Variants in DLG2 observed in about 807,000 individuals in gnomAD.
The protein encoded by DLG2 is disks large homolog 2.
In DLG2, 45 loss-of-function variants were observed where a neutral mutation model predicts 132.5. That is an observed-to-expected ratio of 0.34 (90% confidence interval 0.27 to 0.44). The LOEUF (loss-of-function observed/expected upper bound fraction) is 0.44, where lower values mean the gene tolerates loss of function less well. Ranked by LOEUF, DLG2 falls within the 20% of genes least tolerant of loss-of-function variation. The pLI is 1.00. For synonymous variants in DLG2, 424 were observed against 419.6 expected (o/e 1.01, Z -0.13); for missense variants, 1,045 against 1,196.9 (o/e 0.87, Z 1.87).
intron 6 of DLG2, among the ~76,000 whole-genome samples, chr11:84,680,628 T>G (rs2099726633): frequency 6.6e-6 from 1 of 152,208 alleles, no homozygotes; most frequent in Non-Finnish European, 1.5e-5. Flanking sequence ...GAAATAAACT[T>G]TTGCTTTGCA....
chr11:84,409,156 A>G (rs754387892), intron 7 of DLG2, among the ~76,000 whole-genome samples: 5 of 152,084 alleles, frequency 3.3e-5, no homozygotes, highest in African/African-American at 4.8e-5. Flanking sequence ...CTTTTATATC[A>G]CCATGATTCT....
chr11:83,648,436 A>G (rs1485922077), intron 18 of DLG2, among the ~76,000 whole-genome samples: 1 of 152,152 alleles, frequency 6.6e-6, no homozygotes, highest in Non-Finnish European at 1.5e-5. Flanking sequence ...CAATCAATAG[A>G]AAGTGCAGGA....
At chr11:83,752,050 C>A (rs1284924167) in intron 18 of DLG2, among the ~76,000 whole-genome samples, 1 of 152,106 alleles carries the variant, frequency 6.6e-6, no homozygotes, top group Non-Finnish European at 1.5e-5. Flanking sequence ...AGGTGGATCA[C>A]GAGGTCAGGA....
intron 6 of DLG2, among the ~76,000 whole-genome samples, chr11:84,800,935 G>T (rs2075293101): frequency 6.6e-6 from 1 of 152,050 alleles, no homozygotes; most frequent in African/African-American, 2.4e-5. Flanking sequence ...GAATATTTTT[G>T]CCACCACATG....
intron 2 of DLG2, among the ~76,000 whole-genome samples, chr11:85,607,010 C>T (rs570659000): frequency 6.6e-6 from 1 of 152,282 alleles, no homozygotes; most frequent in South Asian, 2.1e-4. Context: ...AGACAAAGAA[C>T]CCACCAATTC....
chr11:85,223,393 G>A (rs920865743), intron 4 of DLG2, among the ~76,000 whole-genome samples: 3 of 152,218 alleles, frequency 2.0e-5, no homozygotes, highest in Non-Finnish European at 2.9e-5. Context: ...TCAGCACTCT[G>A]GGAGACTGAG....
intron 6 of DLG2, among the ~76,000 whole-genome samples, chr11:84,574,719 A>G (rs1199526170): frequency 6.6e-6 from 1 of 152,190 alleles, no homozygotes; most frequent in African/African-American, 2.4e-5. Flanking sequence ...ACCATTGATC[A>G]TCATCTCCGT....
chr11:84,641,369 G>C (rs571539060), intron 6 of DLG2, among the ~76,000 whole-genome samples: 2 of 152,158 alleles, frequency 1.3e-5, no homozygotes, highest in Non-Finnish European at 2.9e-5. Context: ...ATAAATGTTA[G>C]CTATTATTAG....
chr11:83,550,123 A>G (rs923856888), intron 19 of DLG2, among the ~76,000 whole-genome samples: 10 of 152,162 alleles, frequency 6.6e-5, no homozygotes, highest in African/African-American at 2.4e-4. Flanking sequence ...GACTGCTTCT[A>G]TGTTTTGAGG....
chr11:84,363,815 A>G (rs2098665469), intron 7 of DLG2, among the ~76,000 whole-genome samples: 1 of 151,588 alleles, frequency 6.6e-6, no homozygotes, highest in Non-Finnish European at 1.5e-5. Context: ...AAGATCAGAT[A>G]GTTGTAGATA....
Position 83,584,588 on chromosome 11 carries a change from TAG to T in DLG2, c.1941-42732_1941-42731del, listed in dbSNP as rs1188599002. Among the ~76,000 whole-genome samples, 4 of 152,228 alleles carry T rather than the reference TAG, an allele frequency of 2.6e-5. No homozygotes were observed. In the East Asian group the frequency reaches 7.7e-4, roughly 29 times the overall value. On this transcript the variant is annotated intron_variant, in intron 19 of 27. Transcript: ENST00000376104. The stretch of plus-strand genomic sequence containing the variant: ...GAAATGAGGATTGTGTGATGAATAA[TAG>T]AGTGTCATATAAAATAGTTTTAGAT...
At chr11:83,754,594 T>C (rs2093573468) in intron 18 of DLG2, among the ~76,000 whole-genome samples, 1 of 151,412 alleles carries the variant, frequency 6.6e-6, no homozygotes, top group African/African-American at 2.5e-5. Flanking sequence ...ACATGATCAC[T>C]TTACATTCCT....
chr11:84,678,629 G>A (rs1194448980), intron 6 of DLG2, among the ~76,000 whole-genome samples: 1 of 152,038 alleles, frequency 6.6e-6, no homozygotes, highest in African/African-American at 2.4e-5. Flanking sequence ...AAAGATGCCT[G>A]GCACATAATG....
intron 3 of DLG2, among the ~76,000 whole-genome samples, chr11:85,423,889 C>T (rs1041267760): frequency 6.6e-6 from 1 of 152,140 alleles, no homozygotes; most frequent in African/African-American, 2.4e-5. Flanking sequence ...TCCCTTCTTC[C>T]CCCACCTACG....
intron 4 of DLG2, among the ~76,000 whole-genome samples, chr11:85,162,908 G>A (rs1276907579): frequency 2.0e-5 from 3 of 152,182 alleles, no homozygotes; most frequent in African/African-American, 7.2e-5. Context: ...GTTGCCAAAG[G>A]AGATGAACAT....
intron 7 of DLG2, among the ~76,000 whole-genome samples, chr11:84,487,521 C>A (rs528980159): frequency 6.6e-6 from 1 of 152,172 alleles, no homozygotes; most frequent in African/African-American, 2.4e-5. Context: ...ATAAAGTTTA[C>A]TCACTTCAGA....
At chr11:84,025,639 C>T (rs1037002522) in intron 11 of DLG2, among the ~76,000 whole-genome samples, 29 of 152,102 alleles carry the variant, frequency 1.9e-4, no homozygotes, top group Admixed American at 1.9e-3. Context: ...AAACCTTTTT[C>T]TCCAGTCACA....
chr11:84,961,839 G>T (rs147889871), intron 6 of DLG2, among the ~76,000 whole-genome samples: 2 of 152,222 alleles, frequency 1.3e-5, no homozygotes, highest in Non-Finnish European at 1.5e-5. Context: ...TGAAACTGAA[G>T]AAAGGAGTCC....
intron 3 of DLG2, among the ~76,000 whole-genome samples, chr11:85,461,821 G>C (rs530583310): frequency 6.6e-6 from 1 of 152,224 alleles, no homozygotes; most frequent in Non-Finnish European, 1.5e-5. Context: ...TTAAACTAAA[G>C]AACTTGTGCA....
Sources: allele counts gnomAD v4.1 joint callset (sites outside exome capture counted in the v4.1 genomes callset), GRCh38; gene constraint gnomAD v4.1.1; transcripts MANE v1.5; gene names NCBI Gene and HGNC (gene_info 2026-07-23, HGNC 2026-07-21).